LGSN: variants seen among roughly 807,000 people sequenced by gnomAD.
The protein encoded by LGSN is lengsin, lens protein with glutamine synthetase domain, also known as lengsin.
A neutral mutation model predicts 19.5 loss-of-function variants in LGSN; 21 were observed. The observed-to-expected ratio is 1.07, with a 90% CI of 0.76 to 1.55. LGSN has a LOEUF of 1.55. Ranked by LOEUF, LGSN falls within the 40% of genes most tolerant of loss-of-function variation. The pLI is 0.00. For missense variants in LGSN, 673 were observed against 608.5 expected, an observed-to-expected ratio of 1.11 and a Z score of -1.12; for synonymous variants, 257 against 215.6, an observed-to-expected ratio of 1.19 and a Z score of -1.68.
the LGSN span, among the ~76,000 whole-genome samples, chr6:63,412,611 G>T: frequency 7.3e-6 from 1 of 137,572 alleles, no homozygotes; most frequent in African/African-American, 2.8e-5. Flanking sequence ...GGGAAAGAAA[G>T]GGAAAGGGAA....
At chr6:63,543,668 A>G in the LGSN span, among the ~76,000 whole-genome samples, 1 of 152,308 alleles carries the variant, frequency 6.6e-6, no homozygotes, top group Middle Eastern at 3.4e-3. Context: ...TTGGTTCCCC[A>G]GTCAAGAGCC....
chr6:63,442,735 A>C, the LGSN span, among the ~76,000 whole-genome samples: 1 of 152,030 alleles, frequency 6.6e-6, no homozygotes, highest in Non-Finnish European at 1.5e-5. Flanking sequence ...TAGCCATAAA[A>C]GTTCTCCAAG....
chr6:63,555,973 G>A, the LGSN span, among the ~76,000 whole-genome samples: 2 of 151,808 alleles, frequency 1.3e-5, no homozygotes, highest in Non-Finnish European at 2.9e-5. Context: ...TTATAGGAGT[G>A]AGCCACCGTA....
At chr6:63,512,083 CT>C in the LGSN span, among the ~76,000 whole-genome samples, 14 of 148,500 alleles carry the variant, frequency 9.4e-5, no homozygotes, top group Non-Finnish European at 1.0e-4. Context: ...GCTCCATGTT[CT>C]TTTTTTTTTT....
At chr6:63,560,544 C>T in the LGSN span, among the ~76,000 whole-genome samples, 9 of 151,488 alleles carry the variant, frequency 5.9e-5, no homozygotes, top group Admixed American at 5.9e-4. Flanking sequence ...GCATTACAGG[C>T]GTGTACCACC....
At chr6:63,328,549 G>A in the LGSN span, among the ~76,000 whole-genome samples, 449 of 152,278 alleles carry the variant, frequency 2.9e-3, 3 homozygotes, top group African/African-American at 0.01. Context: ...ACACTAAGAT[G>A]GCCACTGCTG....
At chr6:63,390,859 CAAAAAAAAAAAAAA>C in the LGSN span, among the ~76,000 whole-genome samples, 2 of 50,516 alleles carry the variant, frequency 4.0e-5, no homozygotes, top group Admixed American at 4.5e-4. Context: ...GACTCCATCT[CAAAAAAAAAAAAAA>C]AAAAGAAAAG....
chr6:63,298,633 C>G (rs1004306088), intron 1 of LGSN, among the ~76,000 whole-genome samples: 2 of 152,202 alleles, frequency 1.3e-5, no homozygotes, highest in African/African-American at 4.8e-5. Flanking sequence ...GAGTGCTCCA[C>G]TTTTGTCTAT....
chr6:63,557,076 G>A, the LGSN span, among the ~76,000 whole-genome samples: 1 of 152,190 alleles, frequency 6.6e-6, no homozygotes, highest in Non-Finnish European at 1.5e-5. Context: ...CAAGTACTGT[G>A]TTAAGCACAG....
the LGSN span, among the ~76,000 whole-genome samples, chr6:63,347,746 A>T: frequency 6.6e-6 from 1 of 152,200 alleles, no homozygotes; most frequent in African/African-American, 2.4e-5. Context: ...CCATTCTTAT[A>T]CTCAATTAGT....
At chr6:63,571,758 T>A in the LGSN span, 1 of 152,066 alleles carries the variant, frequency 6.6e-6, no homozygotes, top group Non-Finnish European at 1.5e-5. Context: ...AGAGGTGTGA[T>A]CAAAAAAAGA....
the LGSN span, among the ~76,000 whole-genome samples, chr6:63,547,672 AT>A: frequency 2.8e-3 from 411 of 149,184 alleles, no homozygotes; most frequent in African/African-American, 9.4e-3. Context: ...CGCCTGGCTA[AT>A]TTTTTGTATT....
chr6:63,439,439 C>T, the LGSN span, among the ~76,000 whole-genome samples: 362 of 151,930 alleles, frequency 2.4e-3, 1 homozygote, highest in African/African-American at 8.5e-3. Flanking sequence ...TCCCAGCTAC[C>T]GGGAGGTGGA....
chr6:63,524,377 G>A, the LGSN span, among the ~76,000 whole-genome samples: 1 of 152,036 alleles, frequency 6.6e-6, no homozygotes, highest in Non-Finnish European at 1.5e-5. Flanking sequence ...ATTTCATATT[G>A]AAGACCAGTA....
chr6:63,280,849 G>C lies in LGSN; in HGVS notation c.702C>G (p.Asn234Lys), dbSNP rs1297037739. 2 of 1,613,954 alleles carry C rather than the reference G, an allele frequency of 1.2e-6. No homozygotes were observed. Among genetic ancestry groups the C allele is most frequent in the Non-Finnish European group, 1.7e-6 (2 of 1,180,008 alleles). Residue 234 changes from asparagine (N) to lysine (K), a missense_variant, in exon 4 of 4, where the codon AAC (asparagine) becomes AAG (lysine). Physicochemically the swap from Asn to Lys is moderately conservative, Grantham distance 94. Coordinates refer to ENST00000370657, the MANE Select transcript of LGSN (RefSeq NM_016571.3). ...GTTCCTGCATGAAGGGCTGATCATG[G>C]TTATTTAAAAATGTTAAAGCAGGAA... The part of the protein sequence containing the change: ...ISFPALTFLN[N>K]HDQPFMQELV...
the LGSN span, chr6:63,572,429 A>T: frequency 8.3e-6 from 3 of 361,086 alleles, no homozygotes; most frequent in South Asian, 4.3e-4. Context: ...TGGTGGCTGG[A>T]GGGTTGCACG....
chr6:63,314,186 G>A (rs546768773), intron 1 of LGSN, among the ~76,000 whole-genome samples: 2 of 152,244 alleles, frequency 1.3e-5, no homozygotes, highest in East Asian at 1.9e-4. Flanking sequence ...TAGAGCCTTC[G>A]AGAGGTGATT....
At chr6:63,555,310 C>G in the LGSN span, among the ~76,000 whole-genome samples, 1 of 152,140 alleles carries the variant, frequency 6.6e-6, no homozygotes, top group Non-Finnish European at 1.5e-5. Context: ...CAAGGAACTT[C>G]GGAGAGTTCC....
chr6:63,284,414 C>T (rs906840381), intron 3 of LGSN, among the ~76,000 whole-genome samples: 2 of 152,162 alleles, frequency 1.3e-5, no homozygotes, highest in Non-Finnish European at 2.9e-5. Context: ...GAATTTTTCT[C>T]TTTATGTCAA....
Sources: gnomAD v4.1 joint callset for allele counts (sites outside exome capture counted in the v4.1 genomes callset) on GRCh38, gnomAD v4.1.1 for gene constraint, MANE v1.5 for transcripts, NCBI Gene and HGNC (gene_info 2026-07-23, HGNC 2026-07-21) for gene names.